HGSNAT: variants seen among roughly 807,000 people sequenced by gnomAD.
HGSNAT encodes transmembrane protein 76.
A neutral mutation model predicts 85.2 loss-of-function variants in HGSNAT; 59 were observed. That is an observed-to-expected ratio of 0.69 (90% CI 0.56 to 0.86). The LOEUF is 0.86. HGSNAT is among the 40% of genes least tolerant of loss of function. The pLI, the probability that HGSNAT is intolerant of heterozygous loss-of-function variation, is 0.00. For synonymous variants in HGSNAT, 321 were observed against 304.5 expected, an observed-to-expected ratio of 1.05 and a Z score of -0.56; for missense variants, 756 against 777.1, an observed-to-expected ratio of 0.97 and a Z score of 0.32.
intron 2 of HGSNAT, among the ~76,000 whole-genome samples, chr8:43,150,112 G>A (rs776418229): frequency 1.1e-4 from 17 of 151,748 alleles, no homozygotes; most frequent in Non-Finnish European, 2.2e-4. Flanking sequence ...GCCCGCCACC[G>A]CACCCAGTAA....
chr8:43,197,048 T>G (rs752552312), intron 15 of HGSNAT, 23 bp downstream of exon 15: 1 of 1,506,366 alleles, frequency 6.6e-7, no homozygotes, highest in African/African-American at 1.4e-5. Context: ...CATTCCTCGC[T>G]AAAATTCCTT....
intron 2 of HGSNAT, among the ~76,000 whole-genome samples, chr8:43,151,036 A>T (rs567893997): frequency 6.6e-6 from 1 of 152,296 alleles, no homozygotes; most frequent in East Asian, 1.9e-4. Context: ...TAAATAGTAA[A>T]TACTAATGCT....
intron 1 of HGSNAT, among the ~76,000 whole-genome samples, chr8:43,142,748 A>G (rs1271879533): frequency 6.6e-6 from 1 of 152,220 alleles, no homozygotes; most frequent in African/African-American, 2.4e-5. Context: ...GGTAATTTTG[A>G]CATTCAATGA....
intron 2 of HGSNAT, 148 bp downstream of exon 2, chr8:43,147,211 C>T (rs370172844): frequency 1.1e-5 from 6 of 567,372 alleles, no homozygotes; most frequent in African/African-American, 7.9e-5. Flanking sequence ...GGAAGAAATA[C>T]AGTCAGGGGA....
intron 10 of HGSNAT, among the ~76,000 whole-genome samples, chr8:43,181,097 G>T (rs1211394760): frequency 0.012 from 1 of 86 alleles, no homozygotes; most frequent in Non-Finnish European, 0.019. Context: ...GAGAGGGAGA[G>T]GGAGAGGGAG....
chr8:43,140,628 T>A lies in HGSNAT; in HGVS notation c.118+14T>A. ...CGCCGCCACGAGGTGAGTGCACACC[T>A]CCTACCGCCGCCCGGCCGGCTACGA... On this transcript the variant is annotated intron_variant, in intron 1 of 17. Transcript: ENST00000379644. 8.4e-7 allele frequency: 1 copy of A among 1,186,542 alleles called. No individual in the cohort carries two copies. The highest frequency in any genetic ancestry group is 1.1e-6 in the Non-Finnish European group (1 of 939,158). 73.5% of individuals were successfully genotyped at this position (1,186,542 alleles called of 1,614,324 possible). A position where few individuals can be genotyped will look rare whatever the true frequency, so the allele number is the denominator to read the frequency against.
Position 43,191,577 on chromosome 8 carries a change from C to T in HGSNAT, c.1232C>T (p.Pro411Leu), listed in dbSNP as rs1804531428. Residue 411 changes from proline to leucine, a missense_variant, in exon 12 of 18, where the codon CCA becomes CTA. Pro to Leu is a moderately conservative substitution (Grantham distance 98, BLOSUM62 -3). Coordinates refer to ENST00000379644, the MANE Select transcript of HGSNAT (RefSeq NM_152419.3). Reference protein sequence around the residue: ...GLWLGLTFLLPVPGCPTGYLG... With the variant: ...GLWLGLTFLLLVPGCPTGYLG... ...TGGCTGGGCTTGACATTCCTCCTGC[C>T]AGTCCCTGGGTGCCCTACGTAAGCG... The T allele has an allele frequency of 6.2e-7, 1 of 1,614,000 alleles. No homozygotes were observed. Among genetic ancestry groups the T allele is most frequent in the Non-Finnish European group, 8.5e-7 (1 of 1,179,868 alleles).
intron 6 of HGSNAT, 77 bp from the exon 7 acceptor site, chr8:43,170,508 A>G: frequency 8.1e-7 from 1 of 1,241,978 alleles, no homozygotes; most frequent in Non-Finnish European, 1.2e-6. Context: ...AAACAAAACA[A>G]AGAAATCAAA....
intron 10 of HGSNAT, among the ~76,000 whole-genome samples, chr8:43,179,199 C>T (rs1406387607): frequency 3.6e-4 from 54 of 151,142 alleles, no homozygotes; most frequent in Non-Finnish European, 5.6e-4. Flanking sequence ...CGGGCAGAAG[C>T]GCCCCTCACC....
intron 1 of HGSNAT, among the ~76,000 whole-genome samples, chr8:43,146,334 C>T (rs62517628): frequency 5.3e-5 from 8 of 152,150 alleles, no homozygotes; most frequent in South Asian, 4.1e-4. Flanking sequence ...ACGTGCACCC[C>T]GCCCCTGGGC....
intron 5 of HGSNAT, among the ~76,000 whole-genome samples, chr8:43,164,289 G>A (rs929288922): frequency 1.3e-5 from 2 of 152,086 alleles, no homozygotes; most frequent in African/African-American, 4.8e-5. Context: ...CAAACCCTGT[G>A]TTATTGTGCT....
intron 1 of HGSNAT, among the ~76,000 whole-genome samples, chr8:43,145,283 T>C (rs142958967): frequency 1.3e-5 from 2 of 152,260 alleles, no homozygotes; most frequent in East Asian, 3.9e-4. Flanking sequence ...TCTACTCTGT[T>C]GTTAGATCCT....
At chr8:43,179,684 G>A (rs1248586607) in intron 10 of HGSNAT, among the ~76,000 whole-genome samples, 9 of 6,940 alleles carry the variant, frequency 1.3e-3, no homozygotes, top group Non-Finnish European at 2.1e-3. Flanking sequence ...CCTCCCTCCC[G>A]GATGGGGCGG....
At chr8:43,190,231 C>T (rs1804481423) in intron 11 of HGSNAT, among the ~76,000 whole-genome samples, 1 of 152,126 alleles carries the variant, frequency 6.6e-6, no homozygotes, top group Non-Finnish European at 1.5e-5. Context: ...CTTCTTTCCC[C>T]CACCCACCAT....
chr8:43,173,676 A>C, intron 8 of HGSNAT, 37 bp from the exon 9 acceptor site: 1 of 1,608,742 alleles, frequency 6.2e-7, no homozygotes, highest in South Asian at 1.1e-5. Context: ...TTTGTATTCT[A>C]GAGTCCTTTT....
intron 6 of HGSNAT, 92 bp downstream of exon 6, chr8:43,169,334 G>C: frequency 1.2e-6 from 1 of 842,368 alleles, no homozygotes; most frequent in East Asian, 2.8e-5. Flanking sequence ...CCAGTTTTAT[G>C]TTTATATTGA....
rs146058155 is a variant in HGSNAT, at chr8:43,175,041, A to G, written c.851+1298A>G. ...AACATAATGTCCTCGAGTTCCATCC[A>G]TGCTGTTGCACATGACAGGATCTCA... On this transcript the variant is annotated intron_variant, in intron 9 of 17. Coordinates refer to ENST00000379644, the MANE Select transcript of HGSNAT (RefSeq NM_152419.3). Among the ~76,000 whole-genome samples the G allele has an allele frequency of 1.4e-4, 22 of 152,328 alleles. No homozygotes were observed. In the East Asian group the frequency reaches 4.0e-3, roughly 28 times the overall value.
intron 2 of HGSNAT, among the ~76,000 whole-genome samples, chr8:43,151,844 G>T (rs565553034): frequency 1.9e-4 from 29 of 152,328 alleles, no homozygotes; most frequent in African/African-American, 6.7e-4. Flanking sequence ...CACTCCAGTA[G>T]AGAGATTCTA....
chr8:43,196,509 G>C (rs1048009364), intron 14 of HGSNAT: 2 of 1,290,188 alleles, frequency 1.6e-6, no homozygotes, highest in Non-Finnish European at 1.0e-6. Context: ...TTTGGGCCCT[G>C]CCTGGAAGTA....
Sources: allele counts gnomAD v4.1 joint callset (sites outside exome capture counted in the v4.1 genomes callset), GRCh38; gene constraint gnomAD v4.1.1; transcripts MANE v1.5; gene names NCBI Gene and HGNC (gene_info 2026-07-23, HGNC 2026-07-21).